ACVR2A: variants seen among roughly 807,000 people sequenced by gnomAD.
ACVR2A encodes activin receptor type-2A.
Under a neutral mutation model 61.4 loss-of-function variants are expected in ACVR2A, and 7 were observed. That is an observed-to-expected ratio of 0.11 (90% CI 0.06 to 0.21). ACVR2A has a LOEUF of 0.21. Ranked by LOEUF, ACVR2A falls within the 10% of genes least tolerant of loss-of-function variation. The pLI is 1.00. For synonymous variants in ACVR2A, 193 were observed against 208.3 expected (o/e 0.93, Z 0.63); for missense variants, 322 against 621.7 (o/e 0.52, Z 5.13).
intron 4 of ACVR2A, among the ~76,000 whole-genome samples, chr2:147,913,552 CT>C (rs1217375809): frequency 2.6e-5 from 4 of 151,766 alleles, no homozygotes; most frequent in Non-Finnish European, 5.9e-5. Flanking sequence ...TGTTTTCAAG[CT>C]TTTTTTCTCT....
intron 1 of ACVR2A, among the ~76,000 whole-genome samples, chr2:147,895,400 A>G (rs1382013408): frequency 6.6e-6 from 1 of 152,164 alleles, no homozygotes; most frequent in Non-Finnish European, 1.5e-5. Context: ...TCTCTCCAGT[A>G]AATTGTATAT....
chr2:147,898,629 A>G (rs370694502), intron 2 of ACVR2A, among the ~76,000 whole-genome samples: 2 of 152,230 alleles, frequency 1.3e-5, no homozygotes, highest in African/African-American at 2.4e-5. Flanking sequence ...TTATTAAGAT[A>G]CATCTTTTAA....
intron 2 of ACVR2A, 173 bp downstream of exon 2, chr2:147,896,681 A>G (rs1043364708): frequency 1.2e-5 from 7 of 596,752 alleles, no homozygotes; most frequent in Middle Eastern, 4.5e-4. Context: ...TTTTAAAGTA[A>G]TAAACATGGC....
chr2:147,875,215 G>A (rs1272274246), intron 1 of ACVR2A, among the ~76,000 whole-genome samples: 1 of 151,750 alleles, frequency 6.6e-6, no homozygotes, highest in Non-Finnish European at 1.5e-5. Context: ...TTCTGTTTAA[G>A]GATTATCTGT....
chr2:147,872,060 A>G (rs975246477), intron 1 of ACVR2A, among the ~76,000 whole-genome samples: 1 of 151,808 alleles, frequency 6.6e-6, no homozygotes, highest in Non-Finnish European at 1.5e-5. Context: ...CGTATTTTCC[A>G]TTTTCTCCTT....
At chr2:147,879,681 G>T (rs992931545) in intron 1 of ACVR2A, among the ~76,000 whole-genome samples, 2 of 152,176 alleles carry the variant, frequency 1.3e-5, no homozygotes, top group African/African-American at 4.8e-5. Context: ...ATTTGTTAAA[G>T]ATTTTGATTT....
chr2:147,893,502 GA>G (rs1297562535), intron 1 of ACVR2A, among the ~76,000 whole-genome samples: 1 of 152,140 alleles, frequency 6.6e-6, no homozygotes, highest in African/African-American at 2.4e-5. Context: ...ATCAATATGT[GA>G]AAGTTCTAGT....
At chr2:147,914,045 C>T (rs1262530632) in intron 4 of ACVR2A, among the ~76,000 whole-genome samples, 4 of 151,798 alleles carry the variant, frequency 2.6e-5, no homozygotes, top group African/African-American at 9.7e-5. Context: ...TCCTGAGTGG[C>T]ACCAGTGAGC....
Position 147,854,112 on chromosome 2 carries a change from G to A in ACVR2A, c.55+8905G>A, listed in dbSNP as rs183069451. Reference sequence around the variant, plus strand: ...TGGTTCTTGGGGGATATTTACATTTGCAGGTTACTTATCAGTCAGTTAATG... The same window carrying A: ...TGGTTCTTGGGGGATATTTACATTTACAGGTTACTTATCAGTCAGTTAATG... On this transcript the variant is annotated intron_variant, in intron 1 of 10. Transcript: ENST00000241416. 3.6e-4 allele frequency among the ~76,000 whole-genome samples: 55 copies of A among 152,198 alleles called. No individual in the cohort carries two copies. In the East Asian group the frequency reaches 0.01, roughly 29 times the overall value.
chr2:147,902,631 A>C (rs1335735704), intron 4 of ACVR2A, among the ~76,000 whole-genome samples: 4 of 151,964 alleles, frequency 2.6e-5, no homozygotes, highest in Admixed American at 2.6e-4. Flanking sequence ...TCTAAAGTAC[A>C]TTTTGGAATA....
intron 1 of ACVR2A, among the ~76,000 whole-genome samples, chr2:147,855,354 T>G (rs369894516): frequency 3.9e-5 from 6 of 152,158 alleles, no homozygotes; most frequent in African/African-American, 1.4e-4. Context: ...ACTGGAGAGA[T>G]AGGGACAGGA....
rs554614162 is a variant in ACVR2A at position 147,854,315 on chromosome 2, A to G, written c.55+9108A>G. 3.9e-5 allele frequency among the ~76,000 whole-genome samples: 6 copies of G among 152,320 alleles called. No individual in the cohort carries two copies. In the South Asian group the frequency reaches 6.2e-4, roughly 16 times the overall value. ...ACAATGGACTAAATCGTCTCTATTTATTAGTGGGAATTTAAAATATCTTTT... is the reference window on the plus strand; with the variant it reads ...ACAATGGACTAAATCGTCTCTATTTGTTAGTGGGAATTTAAAATATCTTTT... On this transcript the variant is annotated intron_variant, in intron 1 of 10. Coordinates refer to ENST00000241416, the MANE Select transcript of ACVR2A (RefSeq NM_001616.5).
chr2:147,911,996 T>C (rs1687131198), intron 4 of ACVR2A, among the ~76,000 whole-genome samples: 1 of 152,050 alleles, frequency 6.6e-6, no homozygotes, highest in Non-Finnish European at 1.5e-5. Context: ...AGCTTCATCT[T>C]TGGCATCTTT....
In ACVR2A at chr2:147,853,892, G is replaced by A. The variant is rs191314080; in HGVS notation, c.55+8685G>A. 2.7e-3 allele frequency among the ~76,000 whole-genome samples: 408 copies of A among 152,178 alleles called. 4 individuals are homozygous for A. Among genetic ancestry groups the A allele is most frequent in the African/African-American group, 9.3e-3 (387 of 41,556 alleles). On this transcript the variant is annotated intron_variant, in intron 1 of 10. Coordinates refer to ENST00000241416, the MANE Select transcript of ACVR2A (RefSeq NM_001616.5). ...TTTCAAGAGGAAGGGGCATGGACAAGTTATGAGATCTTGGCACATTTCTAA... is the reference window on the plus strand; with the variant it reads ...TTTCAAGAGGAAGGGGCATGGACAAATTATGAGATCTTGGCACATTTCTAA...
intron 1 of ACVR2A, among the ~76,000 whole-genome samples, chr2:147,878,171 GA>G (rs1686205821): frequency 6.6e-6 from 1 of 152,112 alleles, no homozygotes. Flanking sequence ...AAGTGTCAGA[GA>G]AAAATTTTTT....
intron 1 of ACVR2A, among the ~76,000 whole-genome samples, chr2:147,878,768 G>A (rs985100003): frequency 6.6e-6 from 1 of 152,056 alleles, no homozygotes. Context: ...AAAAAAGCCG[G>A]TGTGGTGGCA....
At chr2:147,916,163 A>G (rs1687245820) in intron 5 of ACVR2A, among the ~76,000 whole-genome samples, 1 of 151,838 alleles carries the variant, frequency 6.6e-6, no homozygotes, top group Non-Finnish European at 1.5e-5. Flanking sequence ...TCCTCTGTTC[A>G]GTCTATAAAC....
chr2:147,927,009 A>C, intron 10 of ACVR2A, 71 bp from the exon 11 acceptor site: 1 of 1,457,966 alleles, frequency 6.9e-7, no homozygotes, highest in South Asian at 1.3e-5. Flanking sequence ...TTTCTTCATG[A>C]AAATTTTATT....
intron 1 of ACVR2A, among the ~76,000 whole-genome samples, chr2:147,860,870 G>T (rs896724427): frequency 7.9e-5 from 12 of 152,154 alleles, no homozygotes; most frequent in Admixed American, 5.2e-4. Context: ...CCCATCACTT[G>T]CCCCTACAGT....
Sources: gnomAD v4.1 joint callset for allele counts (sites outside exome capture counted in the v4.1 genomes callset) on GRCh38, gnomAD v4.1.1 for gene constraint, MANE v1.5 for transcripts, NCBI Gene and HGNC (gene_info 2026-07-23, HGNC 2026-07-21) for gene names.